The following IARS1 variants were observed in gnomAD, a reference collection of about 807,000 sequenced individuals.
IARS1 encodes isoleucine--tRNA ligase, cytoplasmic.
A neutral mutation model predicts 168.2 loss-of-function variants in IARS1; 124 were observed. The ratio of observed to expected loss-of-function variants is 0.74; its 90% CI spans 0.64 to 0.86. The LOEUF is 0.86. Among genes scored for constraint, IARS1 ranks in the 40% least tolerant of loss-of-function variants. The pLI is 0.00. For missense variants in IARS1, 1,452 were observed against 1,515.8 expected (o/e 0.96, Z 0.70); for synonymous variants, 532 against 529.4 (o/e 1.00, Z -0.07).
chr9:92,252,510 T>C, intron 21 of IARS1: 1 of 445,194 alleles, frequency 2.2e-6, no homozygotes, highest in Non-Finnish European at 4.5e-6. Flanking sequence ...TTCACACCTG[T>C]AACACCACTG....
chr9:92,220,128 T>C lies in IARS1; in HGVS notation c.3706+2392A>G, dbSNP rs1839427261. Among the ~76,000 whole-genome samples the C allele has an allele frequency of 4.7e-5, 7 of 149,212 alleles. No individual in the cohort carries two copies. The South Asian group carries it at 1.5e-3, about 33-fold the overall frequency. On this transcript the variant is annotated intron_variant, in intron 33 of 33. Transcript: ENST00000443024. ...TTCATGTCCTTTGTAGGGACATGGATGAAATTGGAAATCATCATTCTCAGT... is the reference window on the plus strand; with the variant it reads ...TTCATGTCCTTTGTAGGGACATGGACGAAATTGGAAATCATCATTCTCAGT...
At chr9:92,250,341 T>C (rs760035893) in intron 23 of IARS1, 52 bp from the exon 24 acceptor site, 69 of 1,129,322 alleles carry the variant, frequency 6.1e-5, no homozygotes, top group African/African-American at 2.1e-4. Flanking sequence ...GAGGAGAAAA[T>C]TGAAGGCACT....
rs1198961291 is a variant in IARS1 at position 92,264,917 on chromosome 9, A to G, written c.1700+12T>C. 1.2e-6 allele frequency: 2 copies of G among 1,602,120 alleles called. No individual in the cohort carries two copies. The highest frequency in any genetic ancestry group is 3.5e-5 in the Admixed American group (2 of 57,566). ...TCAATAAAACACGTGATGAAAGAAC[A>G]AGGAGGCATACCATCCTCTGGTTTG... On this transcript the variant is annotated intron_variant, in intron 16 of 33. Transcript: ENST00000443024.
chr9:92,276,644 C>T (rs557047718), intron 9 of IARS1, among the ~76,000 whole-genome samples: 10 of 152,302 alleles, frequency 6.6e-5, no homozygotes, highest in African/African-American at 2.4e-4. Context: ...AGACTCTCCC[C>T]ACACGGAACA....
intron 31 of IARS1, among the ~76,000 whole-genome samples, 169 bp downstream of exon 31, chr9:92,228,832 T>C (rs1826165398): frequency 8.3e-6 from 1 of 120,092 alleles, no homozygotes; most frequent in South Asian, 3.4e-4. Context: ...CATGACACAA[T>C]GAGGAGGCAT....
rs564563865 is a variant in IARS1 at position 92,257,077 on chromosome 9, TA to T, written c.2017-278del. The stretch of plus-strand genomic sequence containing the variant: ...AGTAATTATGAATTGAAAGATATTC[TA>T]AAATCTTGTCAGAAAAGTGTAGGGT... On this transcript the variant is annotated intron_variant, in intron 19 of 33. Transcript: ENST00000443024. Among the ~76,000 whole-genome samples the T allele has an allele frequency of 1.1e-3, 165 of 152,324 alleles. 1 individual carries two copies. The highest frequency in any genetic ancestry group is 3.4e-3 in the African/African-American group (142 of 41,576).
chr9:92,260,916 AC>A (rs1287137800), intron 17 of IARS1, among the ~76,000 whole-genome samples: 1 of 152,202 alleles, frequency 6.6e-6, no homozygotes, highest in African/African-American at 2.4e-5. Flanking sequence ...GATCAAACAA[AC>A]CATGGCATAC....
chr9:92,268,004 C>T (rs1016570751), intron 14 of IARS1, among the ~76,000 whole-genome samples, 170 bp downstream of exon 14: 1 of 151,868 alleles, frequency 6.6e-6, no homozygotes, highest in Non-Finnish European at 1.5e-5. Context: ...GTTAAAAACC[C>T]CAGAAACAGA....
Position 92,222,627 on chromosome 9 carries a change from A to G in IARS1, c.3599T>C (p.Leu1200Pro). The G allele has an allele frequency of 6.2e-7, 1 of 1,614,028 alleles. No individual in the cohort carries two copies. Residue 1200 changes from leucine (L) to proline (P), a missense_variant, in exon 33 of 34, where the codon CTT (leucine) becomes CCT (proline). Leu to Pro is a moderately conservative substitution (Grantham distance 98). Coordinates refer to ENST00000443024, the MANE Select transcript of IARS1 (RefSeq NM_002161.6). ...TVGTLLLENPLGQNGLTHQGL... is the reference protein window; with the variant it reads ...TVGTLLLENPPGQNGLTHQGL... The stretch of plus-strand genomic sequence containing the variant: ...TTGGTGGGTGAGTCCATTCTGCCCA[A>G]GTGGGTTTTCAAGCAGGAGAGTGCC...
chr9:92,222,214 G>A (rs972293382), intron 33 of IARS1, among the ~76,000 whole-genome samples: 15 of 151,670 alleles, frequency 9.9e-5, no homozygotes, highest in African/African-American at 2.9e-4. Flanking sequence ...CTACTCGGAA[G>A]TCTGAGGCAG....
intron 16 of IARS1, among the ~76,000 whole-genome samples, chr9:92,264,061 G>A (rs1030479692): frequency 2.6e-5 from 4 of 152,142 alleles, no homozygotes; most frequent in East Asian, 3.9e-4. Context: ...TGGGCTGGGC[G>A]CAATGGCTCA....
At chr9:92,227,781 G>A (rs1263043107) in intron 31 of IARS1, among the ~76,000 whole-genome samples, 6 of 151,288 alleles carry the variant, frequency 4.0e-5, no homozygotes, top group South Asian at 2.1e-4. Context: ...ATGGGATGGC[G>A]GCCGGGAAGA....
chr9:92,290,883 C>T (rs528564103), intron 1 of IARS1, among the ~76,000 whole-genome samples: 1 of 152,202 alleles, frequency 6.6e-6, no homozygotes, highest in South Asian at 2.1e-4. Flanking sequence ...ACTTCATCTT[C>T]TCTTTGAGGA....
At chr9:92,259,035 TAGAC>T (rs774137078) in intron 18 of IARS1, 37 bp from the exon 19 acceptor site, 18 of 1,551,432 alleles carry the variant, frequency 1.2e-5, no homozygotes, top group South Asian at 6.2e-5. Flanking sequence ...AAAAGGTACT[TAGAC>T]AGTAAACCAA....
rs200991915 is a variant in IARS1 at position 92,271,619 on chromosome 9, G to A, written c.1027C>T (p.Arg343Trp). Residue 343 changes from arginine (R) to tryptophan (W), a missense_variant, in exon 11 of 34, where the codon CGG (arginine) becomes TGG (tryptophan). Arg to Trp is a moderately radical substitution (Grantham distance 101). Transcript: ENST00000443024. ...GGGCAAACAGGGAGTGAGTCTTTCCGAATAATGTTAAAGTCCATACAGACC... is the reference window on the plus strand; with the variant it reads ...GGGCAAACAGGGAGTGAGTCTTTCCAAATAATGTTAAAGTCCATACAGACC... ...YRVCMDFNII[R>W]KDSLPVCPVD... 34 of 1,614,006 alleles carry A rather than the reference G, an allele frequency of 2.1e-5. No homozygotes were observed. The highest frequency in any genetic ancestry group is 5.0e-5 in the Admixed American group (3 of 60,008).
chr9:92,263,334 G>A (rs1426278863), intron 16 of IARS1, among the ~76,000 whole-genome samples: 1 of 152,208 alleles, frequency 6.6e-6, no homozygotes, highest in Non-Finnish European at 1.5e-5. Flanking sequence ...GCAGCACTGG[G>A]TGGCCTCTCA....
At chr9:92,220,932 G>A (rs953080966) in intron 33 of IARS1, among the ~76,000 whole-genome samples, 1 of 152,076 alleles carries the variant, frequency 6.6e-6, no homozygotes, top group Non-Finnish European at 1.5e-5. Flanking sequence ...CCACTGCACT[G>A]CAGCCTGCGT....
chr9:92,223,340 A>ACAG lies in IARS1; in HGVS notation c.3553+5_3553+6insCTG. The ACAG allele has an allele frequency of 6.2e-7, 1 of 1,608,788 alleles. No homozygotes were observed. Among genetic ancestry groups the ACAG allele is most frequent in the Non-Finnish European group, 8.5e-7 (1 of 1,176,326 alleles). Reference sequence around the variant, plus strand: ...CACAGTCTGCCTGCTGTGGGGAGGCACATACCTTGTGGCTTTGCATTCAGG... The same window carrying ACAG: ...CACAGTCTGCCTGCTGTGGGGAGGCACAGCATACCTTGTGGCTTTGCATTCAGG... On this transcript the variant is annotated splice_donor_region_variant and intron_variant, in intron 32 of 33. Coordinates refer to ENST00000443024, the MANE Select transcript of IARS1 (RefSeq NM_002161.6).
chr9:92,225,173 C>T (rs1400696164), intron 31 of IARS1, among the ~76,000 whole-genome samples: 6 of 152,226 alleles, frequency 3.9e-5, no homozygotes, highest in Non-Finnish European at 7.3e-5. Flanking sequence ...CTGGAACACA[C>T]ACTCCTTTTG....
Sources: gnomAD v4.1 joint callset for allele counts (sites outside exome capture counted in the v4.1 genomes callset) on GRCh38, gnomAD v4.1.1 for gene constraint, MANE v1.5 for transcripts, NCBI Gene and HGNC (gene_info 2026-07-23, HGNC 2026-07-21) for gene names.